The following EML1 variants were observed in gnomAD, a reference collection of about 807,000 sequenced individuals.
EML1 encodes echinoderm microtubule-associated protein-like 1.
A neutral mutation model predicts 110.4 loss-of-function variants in EML1; 27 were observed. That is an observed-to-expected ratio of 0.24 (90% confidence interval 0.18 to 0.34). EML1 has a LOEUF of 0.34. Among genes scored for constraint, EML1 ranks in the 10% least tolerant of loss-of-function variants. EML1 has a pLI of 1.00. For synonymous variants in EML1, 344 were observed against 385.8 expected (o/e 0.89, Z 1.27); for missense variants, 741 against 1,030.9 (o/e 0.72, Z 3.85).
chr14:99,783,295 T>C (rs550945039), intron 1 of EML1, among the ~76,000 whole-genome samples: 2 of 152,042 alleles, frequency 1.3e-5, no homozygotes, highest in East Asian at 3.9e-4. Context: ...TCCAGCTTCA[T>C]CCATGTCCCT....
intron 8 of EML1, among the ~76,000 whole-genome samples, chr14:99,900,510 G>A (rs1460221901): frequency 6.6e-6 from 1 of 152,128 alleles, no homozygotes; most frequent in Admixed American, 6.5e-5. Context: ...ATATTATTTG[G>A]TGGTGACCAT....
At chr14:99,928,942 T>G (rs60350213) in intron 17 of EML1, among the ~76,000 whole-genome samples, 145 of 152,336 alleles carry the variant, frequency 9.5e-4, no homozygotes, top group Middle Eastern at 3.4e-3. Flanking sequence ...TAGCCAGTGT[T>G]CTGCATCTTA....
At chr14:99,759,120 G>C (rs2057287778) in intron 1 of EML1, among the ~76,000 whole-genome samples, 1 of 152,248 alleles carries the variant, frequency 6.6e-6, no homozygotes, top group African/African-American at 2.4e-5. Context: ...TGGCCTGAGA[G>C]TCATGGAGCA....
At chr14:99,820,305 C>T (rs1356177716) in intron 1 of EML1, among the ~76,000 whole-genome samples, 3 of 152,204 alleles carry the variant, frequency 2.0e-5, no homozygotes, top group African/African-American at 7.2e-5. Flanking sequence ...GCACGTTGCT[C>T]TCACTTGTAA....
At chr14:99,822,606 C>T (rs545660597) in intron 1 of EML1, among the ~76,000 whole-genome samples, 24 of 152,030 alleles carry the variant, frequency 1.6e-4, no homozygotes, top group African/African-American at 5.5e-4. Flanking sequence ...TTCTCCACAC[C>T]CCCTCCATCT....
chr14:99,881,977 GTCTTTCT>G (rs1400133159), intron 4 of EML1, among the ~76,000 whole-genome samples: 5 of 152,120 alleles, frequency 3.3e-5, no homozygotes, highest in Non-Finnish European at 7.4e-5. Flanking sequence ...CTGGATTTGA[GTCTTTCT>G]TGTGATATGG....
chr14:99,770,396 T>TATC (rs2057412690), upstream of EML1, among the ~76,000 whole-genome samples: 2 of 152,202 alleles, frequency 1.3e-5, no homozygotes, highest in Admixed American at 6.5e-5. Context: ...TCTATCTATC[T>TATC]ATCTATCTAT....
intron 1 of EML1, among the ~76,000 whole-genome samples, chr14:99,811,635 T>C (rs1237223781): frequency 4.2e-5 from 4 of 95,112 alleles, no homozygotes; most frequent in African/African-American, 1.5e-4. Context: ...AAACCCTGTC[T>C]CTACCAAAAA....
intron 1 of EML1, among the ~76,000 whole-genome samples, chr14:99,804,223 A>G (rs1194812297): frequency 2.0e-5 from 3 of 152,154 alleles, no homozygotes; most frequent in East Asian, 3.8e-4. Context: ...GTACTTAATT[A>G]TATCTTACGC....
At chr14:99,813,261 A>G (rs993357476) in intron 1 of EML1, among the ~76,000 whole-genome samples, 27 of 152,242 alleles carry the variant, frequency 1.8e-4, no homozygotes, top group Admixed American at 6.5e-5. Flanking sequence ...GATTTAAGGA[A>G]AAAACCCCCA....
chr14:99,925,200 C>CT (rs2060212329), intron 17 of EML1, among the ~76,000 whole-genome samples: 1 of 150,748 alleles, frequency 6.6e-6, no homozygotes, highest in African/African-American at 2.4e-5. Context: ...CTACCTGGGC[C>CT]TTTCTTTGTG....
At chr14:99,893,261 T>TA (rs11383153) in intron 5 of EML1, among the ~76,000 whole-genome samples, 136,444 of 152,112 alleles carry the variant, frequency 0.9, 61,249 homozygotes, top group East Asian at 1. Flanking sequence ...AAGGGCTCCG[T>TA]AAACCTGGTT....
intron 1 of EML1, among the ~76,000 whole-genome samples, chr14:99,797,436 A>C (rs757915155): frequency 6.6e-6 from 1 of 152,150 alleles, no homozygotes; most frequent in Non-Finnish European, 1.5e-5. Flanking sequence ...GTGTGGACCT[A>C]TGTTTTCATT....
rs376238109 is a variant in EML1, at chr14:99,919,425, GACAC to G, written c.1821-1329_1821-1326del. ...ACACACACACATACGCATGCACACAGACACACACACACACACACACACACACACA... is the reference window on the plus strand; with the variant it reads ...ACACACACACATACGCATGCACACAGACACACACACACACACACACACACA... On this transcript the variant is annotated intron_variant, in intron 16 of 21. Coordinates refer to ENST00000262233, the MANE Select transcript of EML1 (RefSeq NM_004434.3). 6.7e-3 allele frequency among the ~76,000 whole-genome samples: 653 copies of G among 97,532 alleles called. 7 individuals are homozygous for G. The highest frequency in any genetic ancestry group is 0.061 in the East Asian group (111 of 1,826). The allele number at this position is 97,532 out of a possible 152,430, so 64.0% of individuals were successfully genotyped here.
rs71113225 is a variant in EML1, at chr14:99,826,105, A to ATTT, written c.68-24725_68-24723dup. ...ATTTAAAGTCTGCTTCTGTGCATTG[A>ATTT]TTTTTTTTTTTTTTTTTTTTTTTTT... On this transcript the variant is annotated intron_variant, in intron 1 of 21. Coordinates refer to ENST00000262233, the MANE Select transcript of EML1 (RefSeq NM_004434.3). Among the ~76,000 whole-genome samples, 504 of 79,952 alleles carry ATTT rather than the reference A, an allele frequency of 6.3e-3. 15 individuals are homozygous for ATTT. Among genetic ancestry groups the ATTT allele is most frequent in the Middle Eastern group, 0.018 (2 of 114 alleles). 52.5% of individuals were successfully genotyped at this position (79,952 alleles called of 152,430 possible).
intron 1 of EML1, among the ~76,000 whole-genome samples, chr14:99,764,016 G>A (rs2057342249): frequency 6.6e-6 from 1 of 152,214 alleles, no homozygotes; most frequent in Admixed American, 6.5e-5. Flanking sequence ...GGCAGCCGAG[G>A]TCCCCAAGTG....
chr14:99,796,231 A>AGAGAGAGAGAGAGAG (rs1555390366), intron 1 of EML1, among the ~76,000 whole-genome samples: 3 of 145,304 alleles, frequency 2.1e-5, no homozygotes, highest in Non-Finnish European at 4.5e-5. Flanking sequence ...AGAGAGAGAG[A>AGAGAGAGAGAGAGAG]AGATAATGTG....
At position 99,802,664 on chromosome 14, in the gene EML1, G is replaced by C. The variant is rs202211562; in HGVS notation, c.67+9121G>C. Among the ~76,000 whole-genome samples, 59 of 152,236 alleles carry C rather than the reference G, an allele frequency of 3.9e-4. 1 individual carries two copies. The East Asian group carries it at 0.011, about 28-fold the overall frequency. On this transcript the variant is annotated intron_variant, in intron 1 of 21. Coordinates refer to ENST00000262233, the MANE Select transcript of EML1 (RefSeq NM_004434.3). ...TGCAGAGATGGCAGTCCAGGCCACG[G>C]GGGAGGTGGTTTGGGCTTGTGGGGT...
intron 17 of EML1, among the ~76,000 whole-genome samples, chr14:99,924,260 A>G (rs1175054549): frequency 1.3e-5 from 2 of 152,236 alleles, no homozygotes; most frequent in East Asian, 3.9e-4. Context: ...TAAAAATAGG[A>G]TTGAATTTTG....
Sources: gnomAD v4.1 joint callset for allele counts (sites outside exome capture counted in the v4.1 genomes callset) on GRCh38, gnomAD v4.1.1 for gene constraint, MANE v1.5 for transcripts, NCBI Gene and HGNC (gene_info 2026-07-23, HGNC 2026-07-21) for gene names.